Variants in ACYP2 observed in about 807,000 individuals in gnomAD.
ACYP2 encodes acylphosphatase-2.
Under a neutral mutation model 11.2 loss-of-function variants are expected in ACYP2, and 12 were observed. The ratio of observed to expected loss-of-function variants is 1.08; its 90% CI spans 0.69 to 1.74. The LOEUF (loss-of-function observed/expected upper bound fraction) is 1.74, where lower values mean the gene tolerates loss of function less well. Among genes scored for constraint, ACYP2 ranks in the 40% most tolerant of loss-of-function variants. The pLI is 0.00. For missense variants in ACYP2, 134 were observed against 101.9 expected, an observed-to-expected ratio of 1.31 and a Z score of -1.35; for synonymous variants, 43 against 32.2, an observed-to-expected ratio of 1.33 and a Z score of -1.13.
intron 6 of ACYP2, among the ~76,000 whole-genome samples, chr2:54,152,012 C>A (rs1682197087): frequency 6.6e-6 from 1 of 151,878 alleles, no homozygotes; most frequent in South Asian, 2.1e-4. Flanking sequence ...TCAGTTTCCC[C>A]CATTATTAAC....
At chr2:54,024,540 C>T (rs752473813) in intron 2 of ACYP2, among the ~76,000 whole-genome samples, 2 of 152,168 alleles carry the variant, frequency 1.3e-5, no homozygotes, top group Non-Finnish European at 2.9e-5. Context: ...ATCCAGCATC[C>T]CTTTATGATT....
At chr2:54,137,901 A>T (rs771491890) in intron 5 of ACYP2, among the ~76,000 whole-genome samples, 1 of 152,162 alleles carries the variant, frequency 6.6e-6, no homozygotes, top group Non-Finnish European at 1.5e-5. Context: ...TCCCACCAAC[A>T]GTTTGTAAGC....
At chr2:54,095,525 A>C (rs1572738810) in intron 4 of ACYP2, among the ~76,000 whole-genome samples, 2 of 137,804 alleles carry the variant, frequency 1.5e-5, no homozygotes, top group East Asian at 2.2e-4. Context: ...TGACCCCCCC[A>C]CCTCCCTCCC....
chr2:54,007,169 GAA>G (rs1673115188), intron 2 of ACYP2, among the ~76,000 whole-genome samples: 1 of 119,154 alleles, frequency 8.4e-6, no homozygotes, highest in Admixed American at 8.4e-5. Context: ...AAAAAAGAAA[GAA>G]AGAAAGAAAG....
intron 6 of ACYP2, among the ~76,000 whole-genome samples, chr2:54,141,264 A>G (rs1461545514): frequency 6.6e-6 from 1 of 152,224 alleles, no homozygotes; most frequent in Non-Finnish European, 1.5e-5. Context: ...GGTTTCGTCT[A>G]TGATAGCTTT....
At chr2:54,191,110 T>G (rs1170281095) in intron 6 of ACYP2, among the ~76,000 whole-genome samples, 1 of 152,146 alleles carries the variant, frequency 6.6e-6, no homozygotes, top group Non-Finnish European at 1.5e-5. Flanking sequence ...CTGAGACTAT[T>G]GCAGTAGCTG....
intron 6 of ACYP2, among the ~76,000 whole-genome samples, chr2:54,148,730 T>C (rs1429560288): frequency 1.3e-5 from 2 of 152,176 alleles, no homozygotes; most frequent in Non-Finnish European, 2.9e-5. Flanking sequence ...AGAATGTAAA[T>C]TAAGCTTAAC....
intron 6 of ACYP2, among the ~76,000 whole-genome samples, chr2:54,176,562 G>A (rs566470915): frequency 1.3e-5 from 2 of 152,314 alleles, no homozygotes; most frequent in South Asian, 4.1e-4. Context: ...TGGAACAACA[G>A]AAAATTAGTT....
At chr2:54,201,734 C>T (rs1380776349) in intron 6 of ACYP2, among the ~76,000 whole-genome samples, 2 of 148,380 alleles carry the variant, frequency 1.3e-5, no homozygotes, top group African/African-American at 5.0e-5. Flanking sequence ...TTTTTTGAGA[C>T]AGTCTTACTC....
intron 2 of ACYP2, among the ~76,000 whole-genome samples, chr2:54,009,008 C>T (rs1162383326): frequency 6.6e-6 from 1 of 150,616 alleles, no homozygotes; most frequent in Non-Finnish European, 1.5e-5. Context: ...CAAAAATTAG[C>T]CGGGAGTGGT....
At chr2:54,115,842 T>C in intron 4 of ACYP2, 86 bp downstream of exon 1, 6 of 1,388,522 alleles carry the variant, frequency 4.3e-6, no homozygotes, top group South Asian at 1.5e-5. Flanking sequence ...ACCTAAAGTA[T>C]GCCTTTTCCC....
intron 4 of ACYP2, among the ~76,000 whole-genome samples, chr2:54,119,770 CT>C (rs1193697490): frequency 6.6e-6 from 1 of 152,160 alleles, no homozygotes; most frequent in Non-Finnish European, 1.5e-5. Context: ...AAAGTCCTTA[CT>C]TTTTTCAAGG....
chr2:53,971,738 G>A (rs553366906), intron 1 of ACYP2, among the ~76,000 whole-genome samples: 1 of 152,222 alleles, frequency 6.6e-6, no homozygotes, highest in African/African-American at 2.4e-5. Context: ...TTGAGAGGGT[G>A]TCATTTTCCT....
intron 2 of ACYP2, among the ~76,000 whole-genome samples, chr2:54,004,948 A>G (rs1419857817): frequency 6.6e-6 from 1 of 151,138 alleles, no homozygotes; most frequent in Non-Finnish European, 1.5e-5. Flanking sequence ...CTCTTTGTAT[A>G]TTTTTGATAA....
chr2:54,248,301 C>T (rs1687054945), intron 6 of ACYP2, among the ~76,000 whole-genome samples: 1 of 152,074 alleles, frequency 6.6e-6, no homozygotes, highest in Admixed American at 6.6e-5. Context: ...TTTCATTAGC[C>T]AATTATTATT....
intron 6 of ACYP2, among the ~76,000 whole-genome samples, chr2:54,180,173 G>A (rs1278158598): frequency 2.6e-5 from 4 of 152,140 alleles, no homozygotes; most frequent in African/African-American, 9.7e-5. Flanking sequence ...TGTCCTGGGC[G>A]TACCACCCTC....
chr2:54,167,532 T>A (rs1349968968), intron 6 of ACYP2, among the ~76,000 whole-genome samples: 1 of 152,210 alleles, frequency 6.6e-6, no homozygotes, highest in Non-Finnish European at 1.5e-5. Flanking sequence ...GTTATATAGA[T>A]ACAGATTTTT....
At chr2:54,028,565 C>A (rs1449335379) in intron 2 of ACYP2, among the ~76,000 whole-genome samples, 1 of 152,196 alleles carries the variant, frequency 6.6e-6, no homozygotes, top group Non-Finnish European at 1.5e-5. Flanking sequence ...TTTTTATTAA[C>A]TGAACTCAAA....
intron 6 of ACYP2, among the ~76,000 whole-genome samples, chr2:54,163,001 T>C (rs1682792465): frequency 6.6e-6 from 1 of 152,112 alleles, no homozygotes; most frequent in Non-Finnish European, 1.5e-5. Context: ...AAAGAAAAAT[T>C]ACTCTGTACA....
Sources: gnomAD v4.1 joint callset for allele counts (sites outside exome capture counted in the v4.1 genomes callset) on GRCh38, gnomAD v4.1.1 for gene constraint, MANE v1.5 for transcripts, NCBI Gene and HGNC (gene_info 2026-07-23, HGNC 2026-07-21) for gene names.